LAPTM4B: variants seen among roughly 807,000 people sequenced by gnomAD.
LAPTM4B encodes lysosomal-associated transmembrane protein 4B.
Under a neutral mutation model 28.5 loss-of-function variants are expected in LAPTM4B, and 26 were observed. The observed-to-expected ratio is 0.91, with a 90% CI of 0.67 to 1.27. The LOEUF (loss-of-function observed/expected upper bound fraction) is 1.27. Ranked by LOEUF, LAPTM4B falls within the 50% of genes most tolerant of loss-of-function variation. The pLI is 0.00. For synonymous variants in LAPTM4B, 109 were observed against 106.4 expected (o/e 1.02, Z -0.15); for missense variants, 288 against 285.8 (o/e 1.01, Z -0.06).
At chr8:97,782,978 A>G (rs975836373) in intron 1 of LAPTM4B, among the ~76,000 whole-genome samples, 1 of 146,824 alleles carries the variant, frequency 6.8e-6, no homozygotes, top group African/African-American at 2.5e-5. Context: ...TCTCCATGTT[A>G]GTCAAGCTGG....
At chr8:97,797,245 C>T (rs962477979) in intron 1 of LAPTM4B, among the ~76,000 whole-genome samples, 2 of 151,960 alleles carry the variant, frequency 1.3e-5, no homozygotes, top group South Asian at 2.1e-4. Context: ...AGCGATTCTC[C>T]TGCCTCAGCC....
Position 97,834,144 on chromosome 8 carries a change from G to GAAAAAAAA in LAPTM4B, c.603+8998_603+9005dup, listed in dbSNP as rs554058157. Among the ~76,000 whole-genome samples, 59 of 75,344 alleles carry GAAAAAAAA rather than the reference G, an allele frequency of 7.8e-4. 6 individuals carry two copies. Among genetic ancestry groups the GAAAAAAAA allele is most frequent in the African/African-American group, 1.5e-3 (36 of 23,754 alleles). The allele number at this position is 75,344 out of a possible 152,430, so 49.4% of individuals were successfully genotyped here. The stretch of plus-strand genomic sequence containing the variant: ...ACATAGTGAGACCCCTGTCTCTACA[G>GAAAAAAAA]AAAAAAAAAAAAAATCCAGGTGGCA... On this transcript the variant is annotated intron_variant, in intron 6 of 6. Transcript: ENST00000521545.
chr8:97,805,513 CAGCA>C, intron 2 of LAPTM4B, 49 bp downstream of exon 2: 1 of 977,516 alleles, frequency 1.0e-6, no homozygotes, highest in Non-Finnish European at 1.7e-6. Context: ...ATCTGACTGC[CAGCA>C]CTTCCTATTA....
intron 2 of LAPTM4B, among the ~76,000 whole-genome samples, chr8:97,812,043 C>T (rs35236211): frequency 0.45 from 68,444 of 151,582 alleles, 15,927 homozygotes; most frequent in East Asian, 0.57. Flanking sequence ...TGGGCTCAAG[C>T]GATCCATCCA....
chr8:97,844,076 G>C (rs1817392731), intron 6 of LAPTM4B, among the ~76,000 whole-genome samples: 1 of 150,018 alleles, frequency 6.7e-6, no homozygotes. Context: ...GTCTTATTTT[G>C]CGTGATGATT....
intron 2 of LAPTM4B, among the ~76,000 whole-genome samples, chr8:97,814,153 C>A (rs751570724): frequency 6.6e-6 from 1 of 152,140 alleles, no homozygotes; most frequent in African/African-American, 2.4e-5. Flanking sequence ...GATCACACCA[C>A]TGCAACTCCA....
At position 97,838,991 on chromosome 8, in the gene LAPTM4B, A is replaced by G. The variant is rs568462348; in HGVS notation, c.604-12406A>G. ...CCCTGCATTCTCCCGATGTTGTCAT[A>G]TGCGCATACAGCTTCAGATAGACTT... On this transcript the variant is annotated intron_variant, in intron 6 of 6. Transcript: ENST00000521545. 2.0e-5 allele frequency among the ~76,000 whole-genome samples: 3 copies of G among 152,278 alleles called. No homozygotes were observed. In the South Asian group the frequency reaches 6.2e-4, roughly 32 times the overall value.
chr8:97,846,145 G>A (rs914127714), intron 6 of LAPTM4B, among the ~76,000 whole-genome samples: 27 of 151,066 alleles, frequency 1.8e-4, no homozygotes, highest in Admixed American at 1.3e-3. Context: ...GTGAGCCACC[G>A]CACCAACACA....
At chr8:97,782,941 T>TATTTATTTATTTATTTA (rs1816344931) in intron 1 of LAPTM4B, among the ~76,000 whole-genome samples, 1 of 149,398 alleles carries the variant, frequency 6.7e-6, no homozygotes, top group African/African-American at 2.5e-5. Context: ...TTTATTTATT[T>TATTTATTTATTTATTTA]ATTTATTTTT....
At chr8:97,778,157 CT>C (rs1470845775) in intron 1 of LAPTM4B, among the ~76,000 whole-genome samples, 1 of 152,104 alleles carries the variant, frequency 6.6e-6, no homozygotes, top group East Asian at 1.9e-4. Flanking sequence ...AATAAATGGC[CT>C]TTTGAAAGGT....
chr8:97,846,196 T>A (rs1817431253), intron 6 of LAPTM4B, among the ~76,000 whole-genome samples: 2 of 152,080 alleles, frequency 1.3e-5, no homozygotes, highest in African/African-American at 4.8e-5. Context: ...TTTATGAATG[T>A]CTGAAGACCC....
rs746732198 is a variant in LAPTM4B, at chr8:97,805,484, G to A, written c.211+20G>A. On this transcript the variant is annotated intron_variant, in intron 2 of 6. Transcript: ENST00000521545. ...ATGCCAGTAAGTAGTAGATATTTGG[G>A]TATTTTCAAGGGCAGGGAATCTGAC... is the stretch of plus-strand genomic sequence containing the variant. The A allele has an allele frequency of 8.9e-6, 12 of 1,351,894 alleles. No individual in the cohort carries two copies. Among genetic ancestry groups the A allele is most frequent in the Non-Finnish European group, 1.2e-5 (11 of 944,690 alleles). 83.7% of individuals were successfully genotyped at this position (1,351,894 alleles called of 1,614,324 possible).
intron 1 of LAPTM4B, among the ~76,000 whole-genome samples, chr8:97,798,683 CA>C (rs56711062): frequency 0.017 from 2,540 of 152,230 alleles, 68 homozygotes; most frequent in African/African-American, 0.058. Context: ...ACTGAGCCAG[CA>C]GCCAGGACTC....
chr8:97,789,755 A>C (rs1816469417), intron 1 of LAPTM4B, among the ~76,000 whole-genome samples: 1 of 151,782 alleles, frequency 6.6e-6, no homozygotes, highest in African/African-American at 2.4e-5. Context: ...TCCTGACCTC[A>C]GGTGATCTGC....
At chr8:97,799,835 C>A (rs1206319269) in intron 1 of LAPTM4B, among the ~76,000 whole-genome samples, 10 of 152,078 alleles carry the variant, frequency 6.6e-5, no homozygotes, top group Admixed American at 4.6e-4. Context: ...CCTTTTATAC[C>A]CCCTGACCCT....
intron 6 of LAPTM4B, among the ~76,000 whole-genome samples, chr8:97,848,035 A>T (rs1270258453): frequency 6.6e-6 from 1 of 152,188 alleles, no homozygotes; most frequent in Non-Finnish European, 1.5e-5. Flanking sequence ...AGGCTGAGGC[A>T]GTCGGATCAC....
At chr8:97,783,123 T>G (rs1816349406) in intron 1 of LAPTM4B, among the ~76,000 whole-genome samples, 1 of 148,332 alleles carries the variant, frequency 6.7e-6, no homozygotes, top group Non-Finnish European at 1.5e-5. Flanking sequence ...TTTTAGGAAC[T>G]TAGACACAGC....
intron 1 of LAPTM4B, among the ~76,000 whole-genome samples, chr8:97,778,060 AAGG>A (rs1816255042): frequency 6.6e-6 from 1 of 152,216 alleles, no homozygotes; most frequent in South Asian, 2.1e-4. Context: ...GGTGTGATAA[AAGG>A]AGAGTACTCA....
Position 97,851,620 on chromosome 8 carries a change from A to T in LAPTM4B, c.*146A>T. ...TTTAAAATTTAGATGTTAGATTGAA[A>T]ACTGTAGTTTTCAACATATGCTTTG... On this transcript the variant is annotated 3_prime_UTR_variant, in exon 7 of 7. Transcript: ENST00000521545. The T allele has an allele frequency of 1.5e-6, 1 of 657,682 alleles. No individual in the cohort carries two copies. Among genetic ancestry groups the T allele is most frequent in the Non-Finnish European group, 2.7e-6 (1 of 370,994 alleles). The allele number at this position is 657,682 out of a possible 1,614,324, so 40.7% of individuals were successfully genotyped here. A position where few individuals can be genotyped will look rare whatever the true frequency, so the allele number is the denominator to read the frequency against.
Sources: allele counts gnomAD v4.1 joint callset (sites outside exome capture counted in the v4.1 genomes callset), GRCh38; gene constraint gnomAD v4.1.1; transcripts MANE v1.5; gene names NCBI Gene and HGNC (gene_info 2026-07-23, HGNC 2026-07-21).